Variants in ANK2 observed in about 807,000 individuals in gnomAD.
ANK2 encodes ankyrin-2.
Under a neutral mutation model 360.5 loss-of-function variants are expected in ANK2, and 83 were observed. The ratio of observed to expected loss-of-function variants is 0.23; its 90% CI spans 0.19 to 0.28. The LOEUF is 0.28. Ranked by LOEUF, ANK2 falls within the 10% of genes least tolerant of loss-of-function variation. ANK2 has a pLI of 1.00. For missense variants in ANK2, 4,201 were observed against 4,795.7 expected, an observed-to-expected ratio of 0.88 and a Z score of 3.66; for synonymous variants, 1,740 against 1,759.5, an observed-to-expected ratio of 0.99 and a Z score of 0.28.
the ANK2 span, among the ~76,000 whole-genome samples, chr4:112,805,613 A>G: frequency 1.4e-5 from 2 of 142,610 alleles, no homozygotes; most frequent in South Asian, 4.4e-4. Flanking sequence ...ACCGAGTCTC[A>G]CTCTGTTGCC....
intron 23 of ANK2, among the ~76,000 whole-genome samples, chr4:113,306,421 C>T (rs1481818901): frequency 1.3e-5 from 2 of 152,130 alleles, no homozygotes; most frequent in Admixed American, 6.6e-5. Flanking sequence ...TAAAAACATA[C>T]CAGGCTCAGT....
intron 2 of ANK2, among the ~76,000 whole-genome samples, chr4:113,193,686 G>T (rs2098706228): frequency 6.6e-6 from 1 of 152,042 alleles, no homozygotes; most frequent in Non-Finnish European, 1.5e-5. Context: ...AGAGTTCTTG[G>T]CTTGGGGGAA....
At chr4:113,169,657 C>T (rs992867601) in intron 1 of ANK2, among the ~76,000 whole-genome samples, 2 of 151,982 alleles carry the variant, frequency 1.3e-5, no homozygotes, top group Non-Finnish European at 2.9e-5. Flanking sequence ...GTTGGGTCAC[C>T]GTTTTAGACA....
chr4:113,240,172 T>C (rs2039002362), intron 7 of ANK2, among the ~76,000 whole-genome samples: 1 of 152,192 alleles, frequency 6.6e-6, no homozygotes, highest in Non-Finnish European at 1.5e-5. Context: ...CATATTCTGG[T>C]TTTCTTCAAT....
chr4:113,117,187 C>G (rs1240496132), intron 1 of ANK2: 1 of 407,262 alleles, frequency 2.5e-6, no homozygotes, highest in African/African-American at 2.1e-5. Context: ...AGCCATTGCC[C>G]TGGTGGGGAA....
chr4:113,242,577 C>A (rs1000827767), intron 9 of ANK2, among the ~76,000 whole-genome samples: 1 of 152,240 alleles, frequency 6.6e-6, no homozygotes, highest in African/African-American at 2.4e-5. Flanking sequence ...GTGGCTTTTA[C>A]ACAAAATATT....
At chr4:113,179,723 G>A (rs1249316764) in intron 2 of ANK2, among the ~76,000 whole-genome samples, 1 of 152,044 alleles carries the variant, frequency 6.6e-6, no homozygotes, top group Admixed American at 6.6e-5. Context: ...TCCCTATTTA[G>A]TAATTCTGCA....
At chr4:112,752,363 C>G in the ANK2 span, among the ~76,000 whole-genome samples, 2 of 152,192 alleles carry the variant, frequency 1.3e-5, no homozygotes, top group Non-Finnish European at 2.9e-5. Flanking sequence ...TGTTAAGCAG[C>G]AAGTGCCTCT....
chr4:112,969,723 A>G (rs17045191), intron 2 of ANK2, among the ~76,000 whole-genome samples: 10,691 of 152,216 alleles, frequency 0.07, 539 homozygotes, highest in African/African-American at 0.14. Context: ...ATCTAACCCA[A>G]ATTTGTGCTG....
chr4:113,330,406 G>A lies in ANK2; in HGVS notation c.3061G>A (p.Val1021Met), dbSNP rs2153925547. 6.2e-7 allele frequency: 1 copy of A among 1,614,240 alleles called. No homozygotes were observed. The highest frequency in any genetic ancestry group is 8.5e-7 in the Non-Finnish European group (1 of 1,180,044). ...CAGACTGGCAACAATGCCTCCAATG[G>A]TGGAAGGAGAAGGCCTGGCCAGTCG... ...RHRLATMPPMVEGEGLASRLI... is the reference protein window; with the variant it reads ...RHRLATMPPMMEGEGLASRLI... The change falls in exon 27 of 46, where the codon GTG (valine) becomes ATG (methionine). Residue 1021 changes from valine (V) to methionine (M), a missense_variant. Physicochemically the swap from Val to Met is conservative, Grantham distance 21 (BLOSUM62 1). This residue lies in a region of ANK2 where 1,268 missense variants were observed against 1,650.8 expected (regional missense o/e 0.77). Transcript: ENST00000357077.
chr4:112,852,706 G>C (rs1221422657), intron 1 of ANK2, among the ~76,000 whole-genome samples: 1 of 152,122 alleles, frequency 6.6e-6, no homozygotes, highest in Non-Finnish European at 1.5e-5. Context: ...AAATTCTTCT[G>C]ATGCATTCCT....
intron 1 of ANK2, among the ~76,000 whole-genome samples, chr4:113,161,628 G>A (rs942705404): frequency 1.3e-5 from 2 of 151,860 alleles, no homozygotes; most frequent in African/African-American, 4.8e-5. Flanking sequence ...ATAAGAAAAT[G>A]TCAGCTGCAT....
chr4:113,136,586 G>A (rs144066549), intron 1 of ANK2, among the ~76,000 whole-genome samples: 1 of 152,232 alleles, frequency 6.6e-6, no homozygotes, highest in East Asian at 1.9e-4. Flanking sequence ...GGAGGCTGAG[G>A]TGGTAGAATC....
chr4:113,159,617 TC>T (rs2097438105), intron 1 of ANK2, among the ~76,000 whole-genome samples: 1 of 151,888 alleles, frequency 6.6e-6, no homozygotes, highest in Non-Finnish European at 1.5e-5. Context: ...ATTTTTTTTT[TC>T]TTTTTGTTGA....
At chr4:113,112,253 A>G (rs915940665) in intron 1 of ANK2, among the ~76,000 whole-genome samples, 1 of 152,170 alleles carries the variant, frequency 6.6e-6, no homozygotes. Flanking sequence ...CACACAAAAT[A>G]CATTTGTTTA....
chr4:113,105,473 G>A (rs1055907602), intron 1 of ANK2, among the ~76,000 whole-genome samples: 3 of 152,054 alleles, frequency 2.0e-5, no homozygotes, highest in Non-Finnish European at 4.4e-5. Flanking sequence ...TAATTGCTAC[G>A]ATAGAAAGAT....
chr4:113,358,798 G>A lies in ANK2; in HGVS notation c.10180G>A (p.Ala3394Thr), dbSNP rs777285562. The A allele has an allele frequency of 1.9e-6, 3 of 1,614,126 alleles. No homozygotes were observed. The South Asian group carries it at 3.3e-5, about 18-fold the overall frequency. The change falls in exon 38 of 46, where the codon GCT (alanine) becomes ACT (threonine). Residue 3394 changes from alanine to threonine, a missense_variant. By Grantham distance (58) the Ala-to-Thr change is moderately conservative. Transcript: ENST00000357077. ...PDNRSKSESD[A>T]SSLDSKTKCP... ...TAATAGAAGCAAATCTGAATCTGAT[G>A]CTAGTTCTTTGGATTCAAAGACCAA...
At chr4:112,906,172 A>G (rs1285198086) in intron 2 of ANK2, among the ~76,000 whole-genome samples, 1 of 152,204 alleles carries the variant, frequency 6.6e-6, no homozygotes, top group Non-Finnish European at 1.5e-5. Context: ...TTCTTGACAA[A>G]GAAGGGAAGA....
chr4:113,126,811 T>C (rs1032134545), intron 1 of ANK2, among the ~76,000 whole-genome samples: 7 of 152,198 alleles, frequency 4.6e-5, no homozygotes, highest in Non-Finnish European at 8.8e-5. Flanking sequence ...TTTTAGAACT[T>C]TCAGCTTTCA....
Sources: gnomAD v4.1 joint callset for allele counts (sites outside exome capture counted in the v4.1 genomes callset) on GRCh38, gnomAD v4.1.1 for gene constraint, gnomAD v4.1.1 regional missense constraint, MANE v1.5 for transcripts, NCBI Gene and HGNC (gene_info 2026-07-23, HGNC 2026-07-21) for gene names.